NCEH1: variants seen among roughly 807,000 people sequenced by gnomAD.
The protein encoded by NCEH1 is neutral cholesterol ester hydrolase 1.
A neutral mutation model predicts 25.4 loss-of-function variants in NCEH1; 9 were observed. The ratio of observed to expected loss-of-function variants is 0.35; its 90% CI spans 0.21 to 0.62. NCEH1 has a LOEUF of 0.62. Among genes scored for constraint, NCEH1 ranks in the 20% least tolerant of loss-of-function variants. NCEH1 has a pLI of 0.72. For synonymous variants in NCEH1, 200 were observed against 199.8 expected, an observed-to-expected ratio of 1.00 and a Z score of -0.01; for missense variants, 412 against 501.1, an observed-to-expected ratio of 0.82 and a Z score of 1.70.
At chr3:172,668,624 A>C (rs1322472691) in intron 1 of NCEH1, among the ~76,000 whole-genome samples, 1 of 151,992 alleles carries the variant, frequency 6.6e-6, no homozygotes, top group East Asian at 1.9e-4. Context: ...CGTGAGGAAA[A>C]GACAGAGGCC....
intron 1 of NCEH1, among the ~76,000 whole-genome samples, chr3:172,677,331 T>A (rs1006534682): frequency 6.6e-6 from 1 of 152,256 alleles, no homozygotes; most frequent in East Asian, 1.9e-4. Context: ...GGGAATGATG[T>A]TTATAGACAT....
chr3:172,650,262 G>C (rs1003434147), intron 1 of NCEH1, among the ~76,000 whole-genome samples: 1 of 152,164 alleles, frequency 6.6e-6, no homozygotes, highest in African/African-American at 2.4e-5. Context: ...CAGCACTTTG[G>C]GAGGCCAAGG....
At chr3:172,654,020 G>A (rs553127036) in intron 1 of NCEH1, among the ~76,000 whole-genome samples, 1 of 152,248 alleles carries the variant, frequency 6.6e-6, no homozygotes, top group South Asian at 2.1e-4. Flanking sequence ...CTCCCAAAGT[G>A]CTGGGATTAC....
At chr3:172,654,737 T>G (rs1717611476) in intron 1 of NCEH1, among the ~76,000 whole-genome samples, 1 of 152,250 alleles carries the variant, frequency 6.6e-6, no homozygotes. Context: ...GCATCGATTC[T>G]AACTCACTAC....
intron 1 of NCEH1, among the ~76,000 whole-genome samples, chr3:172,685,804 G>T (rs932719712): frequency 6.6e-6 from 1 of 152,138 alleles, no homozygotes; most frequent in Admixed American, 6.6e-5. Context: ...AGACAAGTAC[G>T]ACAACCAGAT....
chr3:172,697,969 A>G (rs911830684), intron 1 of NCEH1, among the ~76,000 whole-genome samples: 1 of 132,288 alleles, frequency 7.6e-6, no homozygotes, highest in African/African-American at 2.9e-5. Flanking sequence ...CTAAAAGCAG[A>G]ATTTTTTTTT....
chr3:172,709,812 TGAAA>T (rs1714200913), intron 1 of NCEH1, among the ~76,000 whole-genome samples: 2 of 152,218 alleles, frequency 1.3e-5, no homozygotes, highest in African/African-American at 2.4e-5. Context: ...TTGTCATTTC[TGAAA>T]GAAAGAGTTT....
Position 172,645,676 on chromosome 3 carries a change from A to G in NCEH1, c.384T>C (p.Asp128=). The G allele has an allele frequency of 6.3e-7, 1 of 1,593,192 alleles. No homozygotes were observed. Among genetic ancestry groups the G allele is most frequent in the Non-Finnish European group, 8.6e-7 (1 of 1,169,070 alleles). ...ALASAKIRYY[D]ELCTAMAEEL... is the part of the protein sequence containing the mutation. ...CCTCAGCCATTGCTGTACACAGCTC[A>G]TCATAATACCTGATTTCTAAAAGAC... The change falls in exon 3 of 5, where the codon GAT becomes GAC. Residue 128 remains aspartate (D), a synonymous_variant. Transcript: ENST00000475381.
chr3:172,645,290 G>A (rs529142495), intron 3 of NCEH1, among the ~76,000 whole-genome samples: 7 of 152,232 alleles, frequency 4.6e-5, no homozygotes, highest in Admixed American at 3.9e-4. Flanking sequence ...CTGTAGAAGA[G>A]ATTCTCTTAA....
At chr3:172,652,003 A>G (rs1717426323) in intron 1 of NCEH1, among the ~76,000 whole-genome samples, 1 of 152,234 alleles carries the variant, frequency 6.6e-6, no homozygotes, top group South Asian at 2.1e-4. Flanking sequence ...GTATAGATAA[A>G]TATCTGGGAG....
chr3:172,640,090 T>A (rs1716780216), intron 3 of NCEH1, among the ~76,000 whole-genome samples: 1 of 152,200 alleles, frequency 6.6e-6, no homozygotes, highest in South Asian at 2.1e-4. Flanking sequence ...GGAAGCCATA[T>A]GCACAACCTT....
At chr3:172,702,145 C>A (rs575568404) in intron 1 of NCEH1, among the ~76,000 whole-genome samples, 2 of 152,182 alleles carry the variant, frequency 1.3e-5, no homozygotes, top group African/African-American at 4.8e-5. Context: ...GGCTCCACCT[C>A]GTATAAACGG....
Position 172,710,856 on chromosome 3 carries a change from T to C in NCEH1, c.129A>G (p.Ala43=). Residue 43 remains alanine (A), a synonymous_variant, in exon 1 of 5, where the codon GCA becomes GCG. Transcript: ENST00000475381. ...LMLLDATFRG[A]QQVSNLIHYL... is the part of the protein sequence containing the mutation. ...CTGGGCTGCACCTCACCACTTGCTG[T>C]GCACCCCGGAAAGTGGCGTCCAGCA... The C allele has an allele frequency of 6.2e-7, 1 of 1,614,004 alleles. No homozygotes were observed. The highest frequency in any genetic ancestry group is 8.5e-7 in the Non-Finnish European group (1 of 1,180,020).
intron 4 of NCEH1, among the ~76,000 whole-genome samples, chr3:172,635,509 A>C (rs567753310): frequency 6.6e-6 from 1 of 152,296 alleles, no homozygotes; most frequent in African/African-American, 2.4e-5. Context: ...AAAGTTGGGG[A>C]AACAAATTTT....
chr3:172,707,788 G>T (rs921600337), intron 1 of NCEH1, among the ~76,000 whole-genome samples: 1 of 152,026 alleles, frequency 6.6e-6, no homozygotes, highest in Non-Finnish European at 1.5e-5. Context: ...AGGTTTCACC[G>T]TATTAGCCAG....
chr3:172,688,346 A>G (rs1052052369), intron 1 of NCEH1, among the ~76,000 whole-genome samples: 9 of 151,140 alleles, frequency 6.0e-5, no homozygotes, highest in Non-Finnish European at 1.3e-4. Context: ...AAAAAAAAAA[A>G]AAAAAAGAAA....
At chr3:172,656,081 C>G (rs147380916) in intron 1 of NCEH1, among the ~76,000 whole-genome samples, 1,836 of 152,078 alleles carry the variant, frequency 0.012, 36 homozygotes, top group African/African-American at 0.039. Context: ...CACTGGTGAA[C>G]CTATTAAGGA....
intron 3 of NCEH1, among the ~76,000 whole-genome samples, chr3:172,638,543 G>C (rs1716706941): frequency 9.7e-6 from 1 of 102,640 alleles, no homozygotes. Flanking sequence ...CTAGTTCTTG[G>C]GGTGGGGGGT....
chr3:172,642,601 T>TAAAAAAAA (rs1411772207), intron 3 of NCEH1, among the ~76,000 whole-genome samples: 2 of 39,114 alleles, frequency 5.1e-5, no homozygotes, highest in East Asian at 4.3e-4. Context: ...TTGCTATTTC[T>TAAAAAAAA]ACAAAAAAAA....
Sources: gnomAD v4.1 joint callset for allele counts (sites outside exome capture counted in the v4.1 genomes callset) on GRCh38, gnomAD v4.1.1 for gene constraint, MANE v1.5 for transcripts, NCBI Gene and HGNC (gene_info 2026-07-23, HGNC 2026-07-21) for gene names.